The following DNAJC15 variants were observed in gnomAD, a reference collection of about 807,000 sequenced individuals.
DNAJC15 encodes dnaJ homolog subfamily C member 15.
A neutral mutation model predicts 22.4 loss-of-function variants in DNAJC15; 27 were observed. That is an observed-to-expected ratio of 1.20 (90% CI 0.89 to 1.66). The LOEUF (loss-of-function observed/expected upper bound fraction) is 1.66. DNAJC15 is among the 40% of genes most tolerant of loss of function. The pLI is 0.00. For missense variants in DNAJC15, 208 were observed against 187.1 expected, an observed-to-expected ratio of 1.11 and a Z score of -0.65; for synonymous variants, 79 against 63.2, an observed-to-expected ratio of 1.25 and a Z score of -1.19.
intron 2 of DNAJC15, 47 bp from the exon 3 acceptor site, chr13:43,068,882 AT>A: frequency 6.5e-7 from 1 of 1,531,924 alleles, no homozygotes; most frequent in Non-Finnish European, 9.0e-7. Flanking sequence ...GTGTTGATTG[AT>A]TTTGATTATA....
At chr13:43,087,783 G>A (rs892354936) in intron 5 of DNAJC15, among the ~76,000 whole-genome samples, 3 of 152,148 alleles carry the variant, frequency 2.0e-5, no homozygotes, top group Non-Finnish European at 2.9e-5. Flanking sequence ...TTCATTATCA[G>A]CTGTGCAAAG....
At chr13:43,065,497 G>A (rs2040579259) in intron 1 of DNAJC15, among the ~76,000 whole-genome samples, 189 bp from the exon 2 acceptor site, 1 of 152,126 alleles carries the variant, frequency 6.6e-6, no homozygotes, top group African/African-American at 2.4e-5. Context: ...AGTTCACTGA[G>A]AATTAGCTGA....
chr13:43,057,674 T>A (rs2040538368), intron 1 of DNAJC15, among the ~76,000 whole-genome samples: 1 of 152,186 alleles, frequency 6.6e-6, no homozygotes, highest in African/African-American at 2.4e-5. Flanking sequence ...TAAAGAACCT[T>A]GCTTTGTCAT....
Position 43,065,670 on chromosome 13 carries a change from A to G in DNAJC15, c.109-16A>G. 6.2e-7 allele frequency: 1 copy of G among 1,608,472 alleles called. No homozygotes were observed. On this transcript the variant is annotated splice_polypyrimidine_tract_variant and intron_variant, in intron 1 of 5. Coordinates refer to ENST00000379221, the MANE Select transcript of DNAJC15 (RefSeq NM_013238.3). ...GCATGTTACATCATAAGTAATATTCATTTTTTCTTCCATAGGTAAGAAGTT... is the reference window on the plus strand; with the variant it reads ...GCATGTTACATCATAAGTAATATTCGTTTTTTCTTCCATAGGTAAGAAGTT...
intron 5 of DNAJC15, among the ~76,000 whole-genome samples, chr13:43,101,958 T>C (rs936110903): frequency 6.6e-6 from 1 of 152,212 alleles, no homozygotes; most frequent in Non-Finnish European, 1.5e-5. Context: ...AGTAGTGGGA[T>C]TGCTGAATCA....
chr13:43,086,617 A>C (rs1053037505), intron 5 of DNAJC15, among the ~76,000 whole-genome samples: 3 of 152,172 alleles, frequency 2.0e-5, no homozygotes, highest in Non-Finnish European at 1.5e-5. Flanking sequence ...TTCTCACTTA[A>C]TTACTTACTA....
chr13:43,103,927 A>G (rs2040783197), intron 5 of DNAJC15, among the ~76,000 whole-genome samples: 1 of 152,148 alleles, frequency 6.6e-6, no homozygotes, highest in Non-Finnish European at 1.5e-5. Context: ...AATGTACTTT[A>G]TCTAATAATT....
At chr13:43,077,987 A>G (rs887333291) in intron 3 of DNAJC15, among the ~76,000 whole-genome samples, 1 of 152,188 alleles carries the variant, frequency 6.6e-6, no homozygotes, top group African/African-American at 2.4e-5. Context: ...GTTAGATTAA[A>G]TCGAAGTTAG....
rs1158213411 is a variant in DNAJC15 at position 43,111,793 on chromosome 13, T to G, written c.*4545T>G. Reference sequence around the variant, plus strand: ...GGAGGATTTGATGGGAATGAGTAAATGTGTCAGCATAGTCCGTCCCTTCTA... The same window carrying G: ...GGAGGATTTGATGGGAATGAGTAAAGGTGTCAGCATAGTCCGTCCCTTCTA... On this transcript the variant is annotated 3_prime_UTR_variant, in exon 6 of 6. Transcript: ENST00000379221. The G allele has an allele frequency of 6.6e-6, 1 of 152,174 alleles. No homozygotes were observed. Among genetic ancestry groups the G allele is most frequent in the Admixed American group, 6.5e-5 (1 of 15,272 alleles). The allele number at this position is 152,174 out of a possible 1,614,324, so 9.4% of individuals were successfully genotyped here. A position where few individuals can be genotyped will look rare whatever the true frequency, so the allele number is the denominator to read the frequency against.
At chr13:43,082,679 A>G (rs1028589062) in intron 4 of DNAJC15, among the ~76,000 whole-genome samples, 3 of 152,188 alleles carry the variant, frequency 2.0e-5, no homozygotes, top group Non-Finnish European at 2.9e-5. Context: ...GTACAAAACT[A>G]TGTGGAACTG....
At chr13:43,107,111 A>G (rs1161147327) in intron 5 of DNAJC15, 67 bp from the exon 6 acceptor site, 3 of 1,273,366 alleles carry the variant, frequency 2.4e-6, no homozygotes, top group Non-Finnish European at 3.2e-6. Context: ...GTATTTTTAT[A>G]TTTTGGGGAC....
intron 1 of DNAJC15, among the ~76,000 whole-genome samples, chr13:43,038,661 T>G (rs1167219105): frequency 1.3e-5 from 2 of 151,954 alleles, no homozygotes; most frequent in Non-Finnish European, 2.9e-5. Flanking sequence ...GCTTGGTGGC[T>G]GGCTCCTGTA....
chr13:43,090,489 T>A (rs771673564), intron 5 of DNAJC15, among the ~76,000 whole-genome samples: 1 of 151,848 alleles, frequency 6.6e-6, no homozygotes, highest in Non-Finnish European at 1.5e-5. Flanking sequence ...AAAACTAACT[T>A]CCATATTAAA....
At chr13:43,024,495 C>T (rs1218994625) in intron 1 of DNAJC15, among the ~76,000 whole-genome samples, 10 of 151,936 alleles carry the variant, frequency 6.6e-5, no homozygotes, top group African/African-American at 2.2e-4. Context: ...AGGCGCCTGC[C>T]ACCACTCCCG....
At chr13:43,068,722 A>G (rs17064123) in intron 2 of DNAJC15, among the ~76,000 whole-genome samples, 2,212 of 152,226 alleles carry the variant, frequency 0.015, 56 homozygotes, top group African/African-American at 0.048. Context: ...TGATAAATTT[A>G]ATGGCTATGA....
At chr13:43,104,054 A>G (rs888418646) in intron 5 of DNAJC15, among the ~76,000 whole-genome samples, 2 of 152,182 alleles carry the variant, frequency 1.3e-5, no homozygotes, top group Admixed American at 1.3e-4. Context: ...CTTTATTGAG[A>G]TATAATTTAT....
chr13:43,053,132 A>C (rs2040513304), intron 1 of DNAJC15, among the ~76,000 whole-genome samples: 2 of 152,280 alleles, frequency 1.3e-5, no homozygotes, highest in African/African-American at 4.8e-5. Flanking sequence ...CTTGCCAGTT[A>C]TCTCAGCACC....
At chr13:43,101,556 C>T (rs145964282) in intron 5 of DNAJC15, among the ~76,000 whole-genome samples, 1,822 of 152,170 alleles carry the variant, frequency 0.012, 34 homozygotes, top group African/African-American at 0.038. Flanking sequence ...GTCTTTCGTC[C>T]CTCATCTCCC....
intron 1 of DNAJC15, among the ~76,000 whole-genome samples, chr13:43,024,916 C>T: frequency 1.8e-5 from 1 of 54,104 alleles, no homozygotes; most frequent in Non-Finnish European, 4.1e-5. Context: ...AAAAAATTAG[C>T]TGGGTGTGGT....
Sources: gnomAD v4.1 joint callset for allele counts (sites outside exome capture counted in the v4.1 genomes callset) on GRCh38, gnomAD v4.1.1 for gene constraint, MANE v1.5 for transcripts, NCBI Gene and HGNC (gene_info 2026-07-23, HGNC 2026-07-21) for gene names.